USH2A: variants seen among roughly 807,000 people sequenced by gnomAD.
USH2A encodes Usher syndrome 2A (autosomal recessive, mild).
A neutral mutation model predicts 538.9 loss-of-function variants in USH2A; 443 were observed. That is an observed-to-expected ratio of 0.82 (90% CI 0.76 to 0.89). USH2A has a LOEUF of 0.89. USH2A is among the 40% of genes least tolerant of loss of function. The pLI is 0.00. For missense variants in USH2A, 6,633 were observed against 6,324.8 expected (o/e 1.05, Z -1.65); for synonymous variants, 2,413 against 2,273.5 (o/e 1.06, Z -1.75).
At chr1:215,697,667 A>G (rs1049602834) in intron 61 of USH2A, among the ~76,000 whole-genome samples, 2 of 152,012 alleles carry the variant, frequency 1.3e-5, no homozygotes, top group Admixed American at 1.3e-4. Flanking sequence ...GATTACAGGC[A>G]TGTGCCATTA....
chr1:215,905,477 C>T (rs1043582247), intron 38 of USH2A, among the ~76,000 whole-genome samples: 1 of 151,944 alleles, frequency 6.6e-6, no homozygotes, highest in Non-Finnish European at 1.5e-5. Flanking sequence ...AGGTAGAAGG[C>T]GGAATCAAAT....
At chr1:215,651,932 G>A (rs1400882778) in intron 64 of USH2A, among the ~76,000 whole-genome samples, 3 of 152,172 alleles carry the variant, frequency 2.0e-5, no homozygotes, top group Non-Finnish European at 4.4e-5. Flanking sequence ...TCAGGTTGCT[G>A]TCAAATGCAA....
At chr1:215,716,784 A>T (rs1205752040) in intron 61 of USH2A, among the ~76,000 whole-genome samples, 1 of 152,212 alleles carries the variant, frequency 6.6e-6, no homozygotes, top group Non-Finnish European at 1.5e-5. Context: ...AGAGTACCTA[A>T]GGGGGTCCTT....
chr1:216,051,796 GTAT>G (rs1306865401), intron 30 of USH2A, among the ~76,000 whole-genome samples: 1 of 152,194 alleles, frequency 6.6e-6, no homozygotes, highest in Non-Finnish European at 1.5e-5. Flanking sequence ...CATTCAGGAA[GTAT>G]TATCATTGAG....
chr1:216,396,801 T>C (rs139206560), intron 3 of USH2A, among the ~76,000 whole-genome samples: 1 of 152,322 alleles, frequency 6.6e-6, no homozygotes, highest in Non-Finnish European at 1.5e-5. Flanking sequence ...AAGCAGCTTT[T>C]CAACATCTAA....
At chr1:216,043,105 G>T (rs1483453209) in intron 32 of USH2A, among the ~76,000 whole-genome samples, 1 of 152,022 alleles carries the variant, frequency 6.6e-6, no homozygotes, top group Non-Finnish European at 1.5e-5. Flanking sequence ...CTTTCTTTTA[G>T]AGTTCTGGCA....
intron 61 of USH2A, among the ~76,000 whole-genome samples, chr1:215,701,165 C>A (rs1013079502): frequency 2.6e-5 from 4 of 152,156 alleles, no homozygotes; most frequent in Non-Finnish European, 5.9e-5. Flanking sequence ...GCACTGTGTT[C>A]TGAGAGACTG....
chr1:215,697,781 A>G (rs1658867484), intron 61 of USH2A, among the ~76,000 whole-genome samples: 1 of 152,168 alleles, frequency 6.6e-6, no homozygotes, highest in Non-Finnish European at 1.5e-5. Flanking sequence ...TCGGACTCCC[A>G]AAGTGCTGGG....
intron 37 of USH2A, among the ~76,000 whole-genome samples, chr1:215,955,241 T>C (rs1667032601): frequency 6.6e-6 from 1 of 152,218 alleles, no homozygotes; most frequent in Non-Finnish European, 1.5e-5. Context: ...GTTTCAGATG[T>C]TGAAAGCATA....
chr1:216,050,604 CTT>C lies in USH2A; in HGVS notation c.6050-1959_6050-1958del, dbSNP rs746265112. Among the ~76,000 whole-genome samples, 38 of 68,588 alleles carry C rather than the reference CTT, an allele frequency of 5.5e-4. 1 individual carries two copies. The highest frequency in any genetic ancestry group is 1.6e-3 in the African/African-American group (31 of 18,806). The allele number at this position is 68,588 out of a possible 152,430, so 45.0% of individuals were successfully genotyped here. ...TCTTTCTTTCTTTCTTTCTTTCTTT[CTT>C]TTTTTTTTTTTTTTTTGAGACAGAG... On this transcript the variant is annotated intron_variant, in intron 30 of 71. Transcript: ENST00000307340.
intron 9 of USH2A, among the ~76,000 whole-genome samples, chr1:216,299,560 C>T (rs2037173721): frequency 6.6e-6 from 1 of 151,880 alleles, no homozygotes; most frequent in Non-Finnish European, 1.5e-5. Flanking sequence ...TTTATTTTTT[C>T]CACAGTGTAC....
In USH2A at chr1:215,732,544, CTTTTTTTTTTTTTT is replaced by C. The variant is rs141549439; in HGVS notation, c.11712-4174_11712-4161del. Among the ~76,000 whole-genome samples the C allele has an allele frequency of 7.5e-3, 552 of 73,620 alleles. 11 individuals carry two copies. The highest frequency in any genetic ancestry group is 8.3e-3 in the Non-Finnish European group (361 of 43,446). 48.3% of individuals were successfully genotyped at this position (73,620 alleles called of 152,430 possible). ...TCTTTCTTATTCTCCTTTTTTCTTT[CTTTTTTTTTTTTTT>C]TTTTTTTTTTTTTTGCTCTGTTGCC... is the stretch of plus-strand genomic sequence containing the variant. On this transcript the variant is annotated intron_variant, in intron 60 of 71. Coordinates refer to ENST00000307340, the MANE Select transcript of USH2A (RefSeq NM_206933.4).
At chr1:216,221,867 A>G (rs1012363770) in intron 14 of USH2A, among the ~76,000 whole-genome samples, 3 of 152,246 alleles carry the variant, frequency 2.0e-5, no homozygotes, top group Non-Finnish European at 4.4e-5. Context: ...ATGGTCTCAG[A>G]AGGCATAAAT....
intron 38 of USH2A, among the ~76,000 whole-genome samples, chr1:215,906,107 T>C (rs1256251770): frequency 6.6e-6 from 1 of 152,024 alleles, no homozygotes; most frequent in Non-Finnish European, 1.5e-5. Flanking sequence ...CTAAACCATA[T>C]GTCATTTAAA....
At chr1:216,124,095 T>G (rs1285858519) in intron 21 of USH2A, among the ~76,000 whole-genome samples, 1 of 152,200 alleles carries the variant, frequency 6.6e-6, no homozygotes, top group Non-Finnish European at 1.5e-5. Flanking sequence ...GCTGATGCTC[T>G]GGGTGGTAAT....
chr1:215,665,512 G>A (rs1306699116), intron 64 of USH2A, among the ~76,000 whole-genome samples: 1 of 152,166 alleles, frequency 6.6e-6, no homozygotes, highest in Non-Finnish European at 1.5e-5. Context: ...GTGAGTCTTT[G>A]CCTTAAGCAA....
rs759365458 is a variant in USH2A at position 215,845,832 on chromosome 1, C to T, written c.9047G>A (p.Cys3016Tyr). The change falls in exon 45 of 72, where the codon TGC becomes TAC. Residue 3016 changes from cysteine to tyrosine, a missense_variant. By Grantham distance (194) the Cys-to-Tyr change is radical (BLOSUM62 -2). Transcript: ENST00000307340. ...TTAGAATCTGGACTCACCCCCATCG[C>T]AAGTGGTTGCATGAAGTCCTGCACT... ...INSAGLHATT[C>Y]DGEPQGMLPP... 1.4e-5 allele frequency: 23 copies of T among 1,613,620 alleles called. No homozygotes were observed. The East Asian group carries it at 4.2e-4, about 30-fold the overall frequency.
chr1:216,190,508 T>TG, intron 19 of USH2A, 141 bp from the exon 20 acceptor site: 5 of 1,199,036 alleles, frequency 4.2e-6, no homozygotes, highest in Non-Finnish European at 5.8e-6. Flanking sequence ...GTTTTTTTTT[T>TG]TTTTTCTGAA....
intron 27 of USH2A, among the ~76,000 whole-genome samples, chr1:216,075,050 T>A (rs11585423): frequency 0.35 from 53,947 of 152,040 alleles, 10,371 homozygotes; most frequent in East Asian, 0.79. Context: ...AAATTAAAAA[T>A]TTAGCAAAAA....
Sources: allele counts gnomAD v4.1 joint callset (sites outside exome capture counted in the v4.1 genomes callset), GRCh38; gene constraint gnomAD v4.1.1; transcripts MANE v1.5; gene names NCBI Gene and HGNC (gene_info 2026-07-23, HGNC 2026-07-21).